BBS9: variants seen among roughly 807,000 people sequenced by gnomAD.
BBS9 encodes the protein protein PTHB1.
Under a neutral mutation model 117.7 loss-of-function variants are expected in BBS9, and 89 were observed. That is an observed-to-expected ratio of 0.76 (90% CI 0.64 to 0.90). The LOEUF is 0.90. BBS9 is among the 40% of genes least tolerant of loss of function. BBS9 has a pLI of 0.00. For missense variants in BBS9, 982 were observed against 1,042.2 expected, an observed-to-expected ratio of 0.94 and a Z score of 0.80; for synonymous variants, 379 against 370.9, an observed-to-expected ratio of 1.02 and a Z score of -0.25.
intron 11 of BBS9, among the ~76,000 whole-genome samples, chr7:33,342,356 C>A (rs1462023254): frequency 6.6e-6 from 1 of 152,106 alleles, no homozygotes; most frequent in East Asian, 1.9e-4. Context: ...AGTTAGCTGA[C>A]AAATGTACAC....
intron 19 of BBS9, among the ~76,000 whole-genome samples, chr7:33,428,426 C>CT (rs1833945840): frequency 6.6e-6 from 1 of 152,154 alleles, no homozygotes; most frequent in Non-Finnish European, 1.5e-5. Flanking sequence ...ACTGCACATC[C>CT]TTTTCTCACA....
Position 33,222,187 on chromosome 7 carries a change from A to G in BBS9, c.443-35049A>G, listed in dbSNP as rs139316976. Among the ~76,000 whole-genome samples the G allele has an allele frequency of 4.1e-3, 623 of 152,330 alleles. 4 individuals are homozygous for G. Among genetic ancestry groups the G allele is most frequent in the Non-Finnish European group, 6.7e-3 (454 of 68,018 alleles). ...TGCCTAAGAAGTCAAAGTCTCAAGCATGTGACTGTTGATAGAAATGATAGA... is the reference window on the plus strand; with the variant it reads ...TGCCTAAGAAGTCAAAGTCTCAAGCGTGTGACTGTTGATAGAAATGATAGA... On this transcript the variant is annotated intron_variant, in intron 5 of 22. Transcript: ENST00000242067.
At chr7:33,243,706 G>T (rs1190951800) in intron 5 of BBS9, among the ~76,000 whole-genome samples, 1 of 152,094 alleles carries the variant, frequency 6.6e-6, no homozygotes, top group African/African-American at 2.4e-5. Context: ...CTTAAAAATG[G>T]TTAATGCTGA....
intron 12 of BBS9, among the ~76,000 whole-genome samples, chr7:33,348,240 A>G (rs1817961848): frequency 6.6e-6 from 1 of 152,142 alleles, no homozygotes; most frequent in African/African-American, 2.4e-5. Context: ...AATGGATCAT[A>G]CAATATGTGG....
chr7:33,389,544 C>T (rs1826647809), intron 19 of BBS9, among the ~76,000 whole-genome samples: 1 of 151,850 alleles, frequency 6.6e-6, no homozygotes, highest in Non-Finnish European at 1.5e-5. Context: ...AAACAATTAG[C>T]CGGGCATGGT....
At chr7:33,580,684 A>G (rs1859725267) in intron 21 of BBS9, among the ~76,000 whole-genome samples, 3 of 152,216 alleles carry the variant, frequency 2.0e-5, no homozygotes. Flanking sequence ...TTTTTTACAG[A>G]TGAAACTGGC....
chr7:33,226,488 A>G (rs1791298443), intron 5 of BBS9, among the ~76,000 whole-genome samples: 1 of 152,208 alleles, frequency 6.6e-6, no homozygotes, highest in South Asian at 2.1e-4. Context: ...GAATGGCTAG[A>G]ATTAATACTC....
intron 9 of BBS9, among the ~76,000 whole-genome samples, chr7:33,331,798 A>G (rs1172662464): frequency 6.6e-6 from 1 of 152,198 alleles, no homozygotes; most frequent in East Asian, 1.9e-4. Context: ...GGAAGAAACC[A>G]TAGATGACAC....
chr7:33,484,152 C>G (rs1842814005), intron 19 of BBS9, among the ~76,000 whole-genome samples: 1 of 152,100 alleles, frequency 6.6e-6, no homozygotes, highest in South Asian at 2.1e-4. Flanking sequence ...TCTTCTCTTC[C>G]TGGCATAAGC....
At chr7:33,293,145 C>T (rs948069973) in intron 9 of BBS9, among the ~76,000 whole-genome samples, 2 of 151,962 alleles carry the variant, frequency 1.3e-5, no homozygotes, top group African/African-American at 4.8e-5. Flanking sequence ...ATTTGGTTAT[C>T]TTCTAATGGA....
intron 9 of BBS9, among the ~76,000 whole-genome samples, chr7:33,306,053 A>G (rs934538133): frequency 1.5e-4 from 23 of 151,172 alleles, no homozygotes; most frequent in South Asian, 6.3e-4. Flanking sequence ...TTTGCTTTGT[A>G]TTTGTTTTTG....
At chr7:33,180,252 C>T (rs1797907549) in intron 5 of BBS9, among the ~76,000 whole-genome samples, 2 of 152,180 alleles carry the variant, frequency 1.3e-5, no homozygotes, top group South Asian at 4.1e-4. Flanking sequence ...GTAGGGGGTA[C>T]CTGTGTCAGG....
intron 19 of BBS9, among the ~76,000 whole-genome samples, chr7:33,450,863 AGTTTTTTTTTTTT>A (rs1407233810): frequency 6.8e-6 from 1 of 146,182 alleles, no homozygotes; most frequent in Non-Finnish European, 1.5e-5. Context: ...GCTGTTCAGA[AGTTTTTTTTTTTT>A]GTTTTTTTGT....
At chr7:33,236,823 A>G (rs969258802) in intron 5 of BBS9, among the ~76,000 whole-genome samples, 3 of 152,070 alleles carry the variant, frequency 2.0e-5, no homozygotes, top group African/African-American at 7.2e-5. Flanking sequence ...AATATACATT[A>G]CATTATTATT....
chr7:33,212,341 A>G (rs1198369289), intron 5 of BBS9, among the ~76,000 whole-genome samples: 9 of 152,150 alleles, frequency 5.9e-5, no homozygotes, highest in Non-Finnish European at 1.2e-4. Flanking sequence ...CAATTCTACT[A>G]TTAAGAGACT....
chr7:33,263,199 G>A (rs1413788198), intron 6 of BBS9, among the ~76,000 whole-genome samples: 2 of 152,122 alleles, frequency 1.3e-5, no homozygotes, highest in Non-Finnish European at 2.9e-5. Flanking sequence ...TTCAACTGAA[G>A]TTACAGGTTT....
chr7:33,434,728 G>A (rs1835047510), intron 19 of BBS9, among the ~76,000 whole-genome samples: 1 of 152,046 alleles, frequency 6.6e-6, no homozygotes, highest in South Asian at 2.1e-4. Context: ...TTCAAAATTA[G>A]TACAAAGTCT....
intron 9 of BBS9, chr7:33,314,138 A>G (rs759936074): frequency 1.8e-5 from 4 of 217,694 alleles, no homozygotes; most frequent in Non-Finnish European, 2.8e-5. Context: ...TGCTTGACTT[A>G]TTTCCAGGAA....
intron 19 of BBS9, among the ~76,000 whole-genome samples, chr7:33,466,488 A>G (rs1840182302): frequency 6.6e-6 from 1 of 152,056 alleles, no homozygotes; most frequent in Non-Finnish European, 1.5e-5. Flanking sequence ...AACTTCTTTA[A>G]AGCTGAATAA....
Sources: gnomAD v4.1 joint callset for allele counts (sites outside exome capture counted in the v4.1 genomes callset) on GRCh38, gnomAD v4.1.1 for gene constraint, MANE v1.5 for transcripts, NCBI Gene and HGNC (gene_info 2026-07-23, HGNC 2026-07-21) for gene names.